Variants in MAPK4 observed in about 807,000 individuals in gnomAD.
MAPK4 encodes the protein mitogen-activated protein kinase 4.
Under a neutral mutation model 47.7 loss-of-function variants are expected in MAPK4, and 22 were observed. That is an observed-to-expected ratio of 0.46 (90% CI 0.33 to 0.66). MAPK4 has a LOEUF of 0.66. Ranked by LOEUF, MAPK4 falls within the 30% of genes least tolerant of loss-of-function variation. The probability of loss-of-function intolerance (pLI) is 0.02; values close to 1 mark genes in which losing one functional copy is unlikely to be tolerated. For synonymous variants in MAPK4, 390 were observed against 365.7 expected, an observed-to-expected ratio of 1.07 and a Z score of -0.76; for missense variants, 736 against 831.7, an observed-to-expected ratio of 0.88 and a Z score of 1.42.
At chr18:50,666,598 T>A (rs1219470643) in intron 2 of MAPK4, among the ~76,000 whole-genome samples, 1 of 151,880 alleles carries the variant, frequency 6.6e-6, no homozygotes, top group Non-Finnish European at 1.5e-5. Context: ...TGGAAGCCAC[T>A]TCCCTGGTTG....
chr18:50,605,845 G>A (rs2042578237), intron 1 of MAPK4, among the ~76,000 whole-genome samples: 1 of 152,164 alleles, frequency 6.6e-6, no homozygotes, highest in Non-Finnish European at 1.5e-5. Flanking sequence ...CCATGTCTCA[G>A]TCTGGTCTCA....
chr18:50,637,589 C>T (rs2042899065), intron 1 of MAPK4, among the ~76,000 whole-genome samples: 1 of 152,214 alleles, frequency 6.6e-6, no homozygotes, highest in Admixed American at 6.5e-5. Context: ...ACCTGTTTCC[C>T]CATACGTAAA....
chr18:50,700,093 C>A (rs560649236), intron 2 of MAPK4, among the ~76,000 whole-genome samples: 18 of 152,272 alleles, frequency 1.2e-4, no homozygotes, highest in African/African-American at 4.3e-4. Context: ...CCCCTCTCCA[C>A]CCCCTGGAAG....
chr18:50,679,452 C>T (rs1474724393), intron 2 of MAPK4, among the ~76,000 whole-genome samples: 1 of 152,098 alleles, frequency 6.6e-6, no homozygotes, highest in African/African-American at 2.4e-5. Flanking sequence ...CAATAATGCA[C>T]CCTAGGGAGT....
chr18:50,720,687 G>T (rs905361477), intron 3 of MAPK4, among the ~76,000 whole-genome samples: 18 of 152,204 alleles, frequency 1.2e-4, no homozygotes, highest in African/African-American at 4.1e-4. Context: ...TCTGTCTGCA[G>T]CTTGATCACC....
chr18:50,632,521 G>A (rs896635715), intron 1 of MAPK4, among the ~76,000 whole-genome samples: 4 of 151,418 alleles, frequency 2.6e-5, no homozygotes, highest in Non-Finnish European at 4.4e-5. Flanking sequence ...TTCATGTTCT[G>A]TCATGTTCTG....
At chr18:50,581,464 G>A (rs1306718638) in intron 1 of MAPK4, among the ~76,000 whole-genome samples, 1 of 152,184 alleles carries the variant, frequency 6.6e-6, no homozygotes, top group African/African-American at 2.4e-5. Flanking sequence ...GAGCAACCGA[G>A]CAGTTACGGT....
At chr18:50,654,555 C>G (rs927794436) in intron 1 of MAPK4, among the ~76,000 whole-genome samples, 2 of 152,258 alleles carry the variant, frequency 1.3e-5, no homozygotes, top group Non-Finnish European at 2.9e-5. Flanking sequence ...TCTGCTATCT[C>G]AGATCTCCTT....
At chr18:50,675,874 G>A (rs1908242549) in intron 2 of MAPK4, among the ~76,000 whole-genome samples, 1 of 152,190 alleles carries the variant, frequency 6.6e-6, no homozygotes, top group South Asian at 2.1e-4. Flanking sequence ...TGATCCGCCT[G>A]CCTCAGCCTC....
intron 1 of MAPK4, among the ~76,000 whole-genome samples, chr18:50,599,257 C>A (rs142626809): frequency 4.5e-4 from 68 of 152,272 alleles, no homozygotes; most frequent in African/African-American, 1.6e-3. Flanking sequence ...TTATAACAGG[C>A]TCTCACTAAC....
At chr18:50,638,645 T>C (rs2042910751) in intron 1 of MAPK4, among the ~76,000 whole-genome samples, 1 of 152,198 alleles carries the variant, frequency 6.6e-6, no homozygotes, top group South Asian at 2.1e-4. Context: ...ATGCAGTTGT[T>C]CTAGCATGGA....
intron 1 of MAPK4, among the ~76,000 whole-genome samples, chr18:50,649,956 A>G (rs1196379065): frequency 1.3e-5 from 2 of 152,164 alleles, no homozygotes; most frequent in African/African-American, 4.8e-5. Context: ...CTGCAGGCCA[A>G]ATATCCAAGT....
intron 4 of MAPK4, among the ~76,000 whole-genome samples, chr18:50,723,865 A>AG (rs1491496258): frequency 6.9e-4 from 10 of 14,526 alleles, no homozygotes; most frequent in Non-Finnish European, 1.5e-3. Context: ...ACCCTGTCTC[A>AG]AAAAAAAAAA....
chr18:50,600,521 T>C lies in MAPK4; in HGVS notation c.-871+40278T>C, dbSNP rs146801918. ...GACGGGAGTGGTGAGGTGGCTTCTCTACCTATAGACACTCATGCATAGCCA... is the reference window on the plus strand; with the variant it reads ...GACGGGAGTGGTGAGGTGGCTTCTCCACCTATAGACACTCATGCATAGCCA... On this transcript the variant is annotated intron_variant, in intron 1 of 5. Coordinates refer to ENST00000400384, the MANE Select transcript of MAPK4 (RefSeq NM_002747.4). Among the ~76,000 whole-genome samples the C allele has an allele frequency of 8.3e-3, 1,268 of 152,274 alleles. 9 individuals are homozygous for C. Among genetic ancestry groups the C allele is most frequent in the Non-Finnish European group, 0.013 (880 of 68,018 alleles).
intron 2 of MAPK4, among the ~76,000 whole-genome samples, chr18:50,702,296 G>A (rs757870110): frequency 6.6e-6 from 1 of 151,954 alleles, no homozygotes; most frequent in Non-Finnish European, 1.5e-5. Flanking sequence ...GTGCATGCCT[G>A]TAGTCCCAGC....
Position 50,664,099 on chromosome 18 carries a change from T to C in MAPK4, c.141T>C (p.Ala47=). Residue 47 remains alanine (A), a synonymous_variant, in exon 2 of 6, where the codon GCT becomes GCC. Transcript: ENST00000400384. This position sits in a 1 kb window ranked among gnomAD's most constrained non-coding sequence, Gnocchi z 6.0. ...AVDSRACRKV[A]VKKIALSDAR... ...ACAGCCGGGCCTGCCGGAAGGTCGC[T>C]GTGAAGAAGATTGCCCTGAGCGATG... 6.2e-7 allele frequency: 1 copy of C among 1,614,034 alleles called. No individual in the cohort carries two copies. The highest frequency in any genetic ancestry group is 8.5e-7 in the Non-Finnish European group (1 of 1,180,024).
rs1438427967 is a variant in MAPK4 at position 50,729,149 on chromosome 18, C to A, written c.1068-9C>A. 1.3e-6 allele frequency: 2 copies of A among 1,561,628 alleles called. No individual in the cohort carries two copies. Among genetic ancestry groups the A allele is most frequent in the South Asian group, 1.2e-5 (1 of 84,760 alleles). ...GCATCCAATCACCGCTCTGTTTGTA[C>A]CCTTGCAGGTACCCTGTGAGCCTGT... is the stretch of plus-strand genomic sequence containing the variant. On this transcript the variant is annotated splice_polypyrimidine_tract_variant and intron_variant, in intron 5 of 5. Transcript: ENST00000400384.
At chr18:50,711,213 A>T (rs1910342282) in intron 2 of MAPK4, among the ~76,000 whole-genome samples, 1 of 152,224 alleles carries the variant, frequency 6.6e-6, no homozygotes, top group South Asian at 2.1e-4. Flanking sequence ...CTGCTGCTAG[A>T]TTATTTCCCA....
At chr18:50,623,276 C>T (rs1284269317) in intron 1 of MAPK4, among the ~76,000 whole-genome samples, 1 of 152,180 alleles carries the variant, frequency 6.6e-6, no homozygotes, top group Non-Finnish European at 1.5e-5. Flanking sequence ...CAGGTCTCAG[C>T]TCTTGATGCA....
Sources: allele counts gnomAD v4.1 joint callset (sites outside exome capture counted in the v4.1 genomes callset), GRCh38; gene constraint gnomAD v4.1.1; non-coding constraint Gnocchi (gnomAD v3.1); transcripts MANE v1.5; gene names NCBI Gene and HGNC (gene_info 2026-07-23, HGNC 2026-07-21).